Variants in PCDHGA10 observed in about 807,000 individuals in gnomAD.
The protein encoded by PCDHGA10 is protocadherin gamma-A10.
PCDHGA10 carries 42 observed loss-of-function variants against 59.5 expected under a neutral mutation model. That is an observed-to-expected ratio of 0.71 (90% CI 0.55 to 0.91). The LOEUF is 0.91. Ranked by LOEUF, PCDHGA10 falls within the 40% of genes least tolerant of loss-of-function variation. PCDHGA10 has a pLI of 0.00. For missense variants in PCDHGA10, 1,111 were observed against 1,198.2 expected, an observed-to-expected ratio of 0.93 and a Z score of 1.07; for synonymous variants, 511 against 517.2, an observed-to-expected ratio of 0.99 and a Z score of 0.16.
In PCDHGA10 at chr5:141,476,802, C is replaced by T; in HGVS notation, c.2437-18005C>T. 2 of 1,613,638 alleles carry T rather than the reference C, an allele frequency of 1.2e-6. No homozygotes were observed. The highest frequency in any genetic ancestry group is 1.7e-6 in the Non-Finnish European group (2 of 1,180,020). On this transcript the variant is annotated intron_variant, in intron 1 of 3. Coordinates refer to ENST00000398610, the MANE Select transcript of PCDHGA10 (RefSeq NM_018913.3). The surrounding 1 kb of genome is among the most constrained non-coding windows in gnomAD (Gnocchi z 7.6). ...ACCCCAGCTCTCTCCGCCAGCCTGC[C>T]TATTCACATCAAGGTGCTGGACGCG... is the stretch of plus-strand genomic sequence containing the variant.
intron 1 of PCDHGA10, among the ~76,000 whole-genome samples, chr5:141,425,350 A>G (rs926657846): frequency 6.6e-6 from 1 of 152,194 alleles, no homozygotes; most frequent in Non-Finnish European, 1.5e-5. Context: ...TGGCTTTGAA[A>G]TGTGATATTA....
intron 1 of PCDHGA10, among the ~76,000 whole-genome samples, chr5:141,448,660 G>T (rs2098599264): frequency 6.6e-6 from 1 of 151,712 alleles, no homozygotes; most frequent in African/African-American, 2.4e-5. Context: ...TTCCATATTG[G>T]CCGGGCGCGG....
chr5:141,421,102 T>A (rs1420706532), intron 1 of PCDHGA10: 2 of 691,286 alleles, frequency 2.9e-6, no homozygotes, highest in Admixed American at 6.2e-5. Context: ...CACTGGAGAC[T>A]TAGAAGTATT....
Position 141,489,805 on chromosome 5 carries a change from A to T in PCDHGA10, c.2437-5002A>T. On this transcript the variant is annotated intron_variant, in intron 1 of 3. Transcript: ENST00000398610. The surrounding 1 kb of genome is among the most constrained non-coding windows in gnomAD (Gnocchi z 4.5). ...GAATGTGAAGACCCTAAAAGATGGG[A>T]AGCCATTCCCAGAGCTGGTGCTAGA... 1 of 1,614,166 alleles carries T rather than the reference A, an allele frequency of 6.2e-7. No individual in the cohort carries two copies. Among genetic ancestry groups the T allele is most frequent in the Non-Finnish European group, 8.5e-7 (1 of 1,180,012 alleles).
chr5:141,473,374 G>A (rs1437989884), intron 1 of PCDHGA10, among the ~76,000 whole-genome samples: 1 of 152,204 alleles, frequency 6.6e-6, no homozygotes, highest in African/African-American at 2.4e-5. Context: ...AAATAGCATG[G>A]TCCCTGCCCT....
chr5:141,419,325 ACT>A (rs1329600066), intron 1 of PCDHGA10: 33 of 1,613,586 alleles, frequency 2.0e-5, no homozygotes, highest in Non-Finnish European at 2.6e-5. Flanking sequence ...CGTGTCTCCT[ACT>A]CTCTCATTGC....
In PCDHGA10 at chr5:141,431,841, C is replaced by T; in HGVS notation, c.2436+16230C>T. The T allele has an allele frequency of 6.2e-7, 1 of 1,614,246 alleles. No homozygotes were observed. Among genetic ancestry groups the T allele is most frequent in the Non-Finnish European group, 8.5e-7 (1 of 1,180,044 alleles). ...GCCAGCTCGGTTCCCGAAAACTCTC[C>T]CAGAGGGACATTAATTGCCCTTTTA... On this transcript the variant is annotated intron_variant, in intron 1 of 3. Coordinates refer to ENST00000398610, the MANE Select transcript of PCDHGA10 (RefSeq NM_018913.3). The surrounding 1 kb of genome is among the most constrained non-coding windows in gnomAD (Gnocchi z 4.8).
intron 1 of PCDHGA10, chr5:141,421,516 T>C (rs199973694): frequency 6.8e-6 from 11 of 1,614,064 alleles, no homozygotes; most frequent in Non-Finnish European, 9.3e-6. Context: ...GGAGGAGCTC[T>C]GTGAGACGGT....
intron 1 of PCDHGA10, among the ~76,000 whole-genome samples, chr5:141,474,185 C>A (rs1481544975): frequency 6.6e-6 from 1 of 152,180 alleles, no homozygotes; most frequent in Non-Finnish European, 1.5e-5. Flanking sequence ...AAACTACTTA[C>A]ATTTTTAAAA....
intron 1 of PCDHGA10, among the ~76,000 whole-genome samples, chr5:141,471,996 G>A (rs2099268647): frequency 6.6e-6 from 1 of 152,006 alleles, no homozygotes; most frequent in Admixed American, 6.6e-5. Context: ...AAAAATCCCT[G>A]CATCGTATAG....
Position 141,450,631 on chromosome 5 carries a change from T to C in PCDHGA10, c.2436+35020T>C, listed in dbSNP as rs554043866. 6.1e-5 allele frequency among the ~76,000 whole-genome samples: 9 copies of C among 148,320 alleles called. No homozygotes were observed. In the East Asian group the frequency reaches 1.9e-3, roughly 31 times the overall value. Reference sequence around the variant, plus strand: ...CCTCCTGAGTAGCTGGGATTACAGATGCCTGCCACCATGCCTGGCTAATTT... The same window carrying C: ...CCTCCTGAGTAGCTGGGATTACAGACGCCTGCCACCATGCCTGGCTAATTT... On this transcript the variant is annotated intron_variant, in intron 1 of 3. Transcript: ENST00000398610.
In PCDHGA10 at chr5:141,441,804, C is replaced by CAT. The variant is rs1189673284; in HGVS notation, c.2436+26193_2436+26194insAT. The CAT allele has an allele frequency of 6.5e-4, 249 of 382,482 alleles. 2 individuals are homozygous for CAT. Among genetic ancestry groups the CAT allele is most frequent in the African/African-American group, 4.8e-3 (221 of 45,888 alleles). 23.7% of individuals were successfully genotyped at this position (382,482 alleles called of 1,614,324 possible). The stretch of plus-strand genomic sequence containing the variant: ...CCTGAATGACAACGCACCGCGGGTG[C>CAT]TGTACCCCAGCTCTGGAGCGCAATG... On this transcript the variant is annotated intron_variant, in intron 1 of 3. Transcript: ENST00000398610.
intron 1 of PCDHGA10, among the ~76,000 whole-genome samples, chr5:141,435,710 C>T (rs1033703743): frequency 1.3e-5 from 2 of 152,148 alleles, no homozygotes; most frequent in Admixed American, 6.5e-5. Flanking sequence ...TGGTTACAGA[C>T]ACTGAATGCT....
intron 1 of PCDHGA10, among the ~76,000 whole-genome samples, chr5:141,444,703 T>A (rs963617867): frequency 6.6e-6 from 1 of 152,248 alleles, no homozygotes; most frequent in Non-Finnish European, 1.5e-5. Context: ...TTCCTCTTTC[T>A]GTTGAATTTG....
intron 1 of PCDHGA10, chr5:141,419,788 A>G (rs750179874): frequency 6.2e-7 from 1 of 1,614,054 alleles, no homozygotes; most frequent in Non-Finnish European, 8.5e-7. Context: ...AGCGCCTGCT[A>G]GTCGCTGTAA....
chr5:141,451,576 C>G (rs997933491), intron 1 of PCDHGA10, among the ~76,000 whole-genome samples: 10 of 152,164 alleles, frequency 6.6e-5, no homozygotes, highest in Middle Eastern at 3.4e-3. Context: ...TTTTTATAAA[C>G]CTAATTTTGA....
chr5:141,440,464 G>A (rs2003094), intron 1 of PCDHGA10: 3,293 of 152,144 alleles, frequency 0.022, 52 homozygotes, highest in South Asian at 0.038. Context: ...ATGAACAAAC[G>A]GTAGTTGAAA....
At chr5:141,472,113 A>C (rs1296591849) in intron 1 of PCDHGA10, among the ~76,000 whole-genome samples, 1 of 152,260 alleles carries the variant, frequency 6.6e-6, no homozygotes, top group Non-Finnish European at 1.5e-5. Context: ...ATACATAAAG[A>C]AAATAAAAGA....
intron 1 of PCDHGA10, among the ~76,000 whole-genome samples, chr5:141,437,164 T>C (rs1262289843): frequency 1.3e-5 from 2 of 152,226 alleles, no homozygotes; most frequent in Non-Finnish European, 2.9e-5. Flanking sequence ...GTGTTGATTG[T>C]TTTCTGAGAC....
Sources: allele counts gnomAD v4.1 joint callset (sites outside exome capture counted in the v4.1 genomes callset), GRCh38; gene constraint gnomAD v4.1.1; non-coding constraint Gnocchi (gnomAD v3.1); transcripts MANE v1.5; gene names NCBI Gene and HGNC (gene_info 2026-07-23, HGNC 2026-07-21).